The following RMDN2 variants were observed in gnomAD, a reference collection of about 807,000 sequenced individuals.
RMDN2 encodes regulator of microtubule dynamics 2.
Under a neutral mutation model 52.8 loss-of-function variants are expected in RMDN2, and 61 were observed. That is an observed-to-expected ratio of 1.16 (90% CI 0.94 to 1.43). The LOEUF is 1.43. Among genes scored for constraint, RMDN2 ranks in the 40% most tolerant of loss-of-function variants. The pLI is 0.00. For synonymous variants in RMDN2, 180 were observed against 153.1 expected (o/e 1.18, Z -1.30); for missense variants, 592 against 475.3 (o/e 1.25, Z -2.28).
At chr2:37,984,793 T>C (rs1204407734) in intron 5 of RMDN2, among the ~76,000 whole-genome samples, 1 of 152,078 alleles carries the variant, frequency 6.6e-6, no homozygotes, top group Admixed American at 6.6e-5. Context: ...GGAGGTAATA[T>C]ACCATGTTGT....
downstream of RMDN2, among the ~76,000 whole-genome samples, chr2:38,018,064 G>A (rs1679042100): frequency 6.6e-6 from 1 of 152,084 alleles, no homozygotes; most frequent in South Asian, 2.1e-4. Flanking sequence ...TTTTGTGGTG[G>A]AATGTCATCA....
intron 8 of RMDN2, among the ~76,000 whole-genome samples, chr2:37,999,448 A>C (rs979878182): frequency 6.6e-6 from 1 of 152,162 alleles, no homozygotes; most frequent in Non-Finnish European, 1.5e-5. Context: ...CACCTCAGCA[A>C]ACCATCTTGG....
rs1165750755 is a variant in RMDN2, at chr2:37,929,275, G to T, written c.-3G>T. 2.0e-6 allele frequency: 3 copies of T among 1,500,922 alleles called. No individual in the cohort carries two copies. Among genetic ancestry groups the T allele is most frequent in the Admixed American group, 2.5e-5 (1 of 40,008 alleles). The allele number at this position is 1,500,922 out of a possible 1,614,324, so 93.0% of individuals were successfully genotyped here. On this transcript the variant is annotated 5_prime_UTR_variant, in exon 2 of 11. Coordinates refer to ENST00000354545, the MANE Select transcript of RMDN2 (RefSeq NM_001170791.3). ...TTTTAATTTTAGAAACGAAAACCAA[G>T]AAATGCCTTATTCCACAAACAAAGA...
At chr2:37,967,502 A>G (rs549395042) in intron 2 of RMDN2, among the ~76,000 whole-genome samples, 3 of 152,380 alleles carry the variant, frequency 2.0e-5, no homozygotes, top group Admixed American at 2.0e-4. Flanking sequence ...ACTGGTCAAG[A>G]GAAATGTCAT....
chr2:37,927,887 T>C (rs1666414970), intron 1 of RMDN2, among the ~76,000 whole-genome samples: 1 of 152,248 alleles, frequency 6.6e-6, no homozygotes, highest in South Asian at 2.1e-4. Flanking sequence ...GATTGGAATC[T>C]GTTGCTGGCA....
intron 5 of RMDN2, among the ~76,000 whole-genome samples, chr2:37,989,100 GAATT>G (rs1363699327): frequency 1.3e-5 from 2 of 152,094 alleles, no homozygotes; most frequent in Non-Finnish European, 2.9e-5. Flanking sequence ...AGGAGGGAAT[GAATT>G]TTTTAAGTTG....
At chr2:38,018,213 T>G (rs1388829148), downstream of RMDN2, among the ~76,000 whole-genome samples, 2 of 152,232 alleles carry the variant, frequency 1.3e-5, no homozygotes, top group Non-Finnish European at 2.9e-5. Context: ...AGGATTTTTT[T>G]TCTTCATTCG....
At chr2:37,944,172 G>A (rs1225527691) in intron 2 of RMDN2, among the ~76,000 whole-genome samples, 1 of 152,076 alleles carries the variant, frequency 6.6e-6, no homozygotes, top group Non-Finnish European at 1.5e-5. Context: ...TTCATAACCT[G>A]GAGATGAGGC....
chr2:37,971,433 A>G (rs1452471353), intron 2 of RMDN2, among the ~76,000 whole-genome samples: 1 of 152,200 alleles, frequency 6.6e-6, no homozygotes, highest in Non-Finnish European at 1.5e-5. Flanking sequence ...TAGATGATCC[A>G]TAATGTCTAT....
At chr2:38,057,627 C>A (rs1034446609) in intron 10 of RMDN2, among the ~76,000 whole-genome samples, 2 of 152,112 alleles carry the variant, frequency 1.3e-5, no homozygotes, top group East Asian at 3.8e-4. Context: ...CCACTCAAAT[C>A]TCATATTCAA....
intron 2 of RMDN2, among the ~76,000 whole-genome samples, chr2:37,938,526 AGCTTTTTATGGT>A: frequency 6.6e-6 from 1 of 151,994 alleles, no homozygotes; most frequent in Non-Finnish European, 1.5e-5. Flanking sequence ...TGTGGAGCTG[AGCTTTTTATGGT>A]TGGTAGGCTA....
intron 5 of RMDN2, among the ~76,000 whole-genome samples, chr2:37,989,236 C>T (rs376604643): frequency 9.3e-4 from 141 of 152,130 alleles, no homozygotes; most frequent in South Asian, 3.5e-3. Context: ...ATGATGATAG[C>T]GGCAGGTAAC....
In RMDN2 at chr2:37,963,308, C is replaced by T. The variant is rs183557973; in HGVS notation, c.453-10732C>T. On this transcript the variant is annotated intron_variant, in intron 2 of 10. Coordinates refer to ENST00000354545, the MANE Select transcript of RMDN2 (RefSeq NM_001170791.3). ...GAATTTATTAATTTGGCTTCATACACGTGAGTTTCTTTTTTTTTTTTTTTT... is the reference window on the plus strand; with the variant it reads ...GAATTTATTAATTTGGCTTCATACATGTGAGTTTCTTTTTTTTTTTTTTTT... 3.5e-3 allele frequency: 458 copies of T among 130,402 alleles called. 1 individual carries two copies. The highest frequency in any genetic ancestry group is 5.1e-3 in the Non-Finnish European group (324 of 63,166). The allele number at this position is 130,402 out of a possible 1,614,324, so 8.1% of individuals were successfully genotyped here. A position where few individuals can be genotyped will look rare whatever the true frequency, so the allele number is the denominator to read the frequency against.
intron 10 of RMDN2, among the ~76,000 whole-genome samples, chr2:38,028,592 C>T (rs1230026334): frequency 6.6e-6 from 1 of 152,184 alleles, no homozygotes; most frequent in Admixed American, 6.5e-5. Context: ...AGGGTGAGCC[C>T]TCCAAGAACT....
intron 2 of RMDN2, among the ~76,000 whole-genome samples, chr2:37,948,367 G>T (rs1475432121): frequency 6.6e-6 from 1 of 152,136 alleles, no homozygotes; most frequent in African/African-American, 2.4e-5. Flanking sequence ...TAAACAAAAG[G>T]TTCATTGGGC....
Position 38,017,549 on chromosome 2 carries a change from C to T in RMDN2, c.*310C>T, listed in dbSNP as rs1229389482. 1.7e-6 allele frequency: 2 copies of T among 1,147,696 alleles called. No homozygotes were observed. Among genetic ancestry groups the T allele is most frequent in the Admixed American group, 3.1e-5 (1 of 32,622 alleles). 71.1% of individuals were successfully genotyped at this position (1,147,696 alleles called of 1,614,324 possible). A position where few individuals can be genotyped will look rare whatever the true frequency, so the allele number is the denominator to read the frequency against. ...ATATTTAAATCCAATAAAATGAATT[C>T]TCATGAATATTTTATTGTTTCAATG... On this transcript the variant is annotated 3_prime_UTR_variant, in exon 11 of 11. Transcript: ENST00000354545.
At chr2:37,930,723 A>C (rs1007834014) in intron 2 of RMDN2, among the ~76,000 whole-genome samples, 1 of 152,182 alleles carries the variant, frequency 6.6e-6, no homozygotes, top group African/African-American at 2.4e-5. Flanking sequence ...ACATTCCCCA[A>C]AGAAGTAGCA....
chr2:37,967,688 C>G (rs1343822791), intron 2 of RMDN2, among the ~76,000 whole-genome samples: 1 of 152,224 alleles, frequency 6.6e-6, no homozygotes, highest in East Asian at 1.9e-4. Flanking sequence ...GATACTCCTG[C>G]TCATTCCTCT....
chr2:38,065,085 G>GT (rs1682213194), intron 10 of RMDN2, among the ~76,000 whole-genome samples: 1 of 152,196 alleles, frequency 6.6e-6, no homozygotes, highest in Non-Finnish European at 1.5e-5. Flanking sequence ...AAAGTTGGAA[G>GT]TTATCCAGGT....
Sources: allele counts gnomAD v4.1 joint callset (sites outside exome capture counted in the v4.1 genomes callset), GRCh38; gene constraint gnomAD v4.1.1; transcripts MANE v1.5; gene names NCBI Gene and HGNC (gene_info 2026-07-23, HGNC 2026-07-21).